Variants in NELL1 observed in about 807,000 individuals in gnomAD.
NELL1 encodes the protein protein kinase C-binding protein NELL1.
In NELL1, 76 loss-of-function variants were observed where a neutral mutation model predicts 107.4. The observed-to-expected ratio is 0.71, with a 90% CI of 0.59 to 0.86. NELL1 has a LOEUF of 0.86. Among genes scored for constraint, NELL1 ranks in the 40% least tolerant of loss-of-function variants. NELL1 has a pLI of 0.00. For missense variants in NELL1, 1,024 were observed against 1,005.5 expected (o/e 1.02, Z -0.25); for synonymous variants, 353 against 341.2 (o/e 1.03, Z -0.38).
At chr11:21,198,327 G>A (rs1036609599) in intron 13 of NELL1, among the ~76,000 whole-genome samples, 4 of 152,118 alleles carry the variant, frequency 2.6e-5, no homozygotes, top group South Asian at 4.2e-4. Context: ...ACATTCTGTC[G>A]GTTACAAACA....
At chr11:21,278,013 C>T (rs965185251) in intron 14 of NELL1, among the ~76,000 whole-genome samples, 8 of 151,250 alleles carry the variant, frequency 5.3e-5, no homozygotes, top group Admixed American at 2.0e-4. Context: ...CTAACCTGCA[C>T]GTTGTGCACA....
chr11:20,782,577 G>C (rs1435260760), intron 2 of NELL1, among the ~76,000 whole-genome samples: 2 of 152,214 alleles, frequency 1.3e-5, no homozygotes, highest in Non-Finnish European at 1.5e-5. Flanking sequence ...TTTAGGATGA[G>C]ATTCTTCAAG....
At chr11:21,154,496 A>T (rs1856188268) in intron 13 of NELL1, among the ~76,000 whole-genome samples, 1 of 152,070 alleles carries the variant, frequency 6.6e-6, no homozygotes, top group African/African-American at 2.4e-5. Flanking sequence ...AAGTTATGAG[A>T]CTCCAGAGAT....
intron 15 of NELL1, among the ~76,000 whole-genome samples, chr11:21,415,079 C>T (rs1852479285): frequency 6.6e-6 from 1 of 152,114 alleles, no homozygotes; most frequent in Non-Finnish European, 1.5e-5. Flanking sequence ...GCTATTCACT[C>T]CTGCAGGGCT....
chr11:20,835,204 G>C (rs1848512451), intron 3 of NELL1, among the ~76,000 whole-genome samples: 1 of 152,198 alleles, frequency 6.6e-6, no homozygotes, highest in Admixed American at 6.5e-5. Context: ...TTCAAGATTG[G>C]ATCTCCTCTC....
intron 3 of NELL1, among the ~76,000 whole-genome samples, chr11:20,811,389 G>C (rs1857499108): frequency 6.6e-6 from 1 of 151,936 alleles, no homozygotes; most frequent in Non-Finnish European, 1.5e-5. Flanking sequence ...GATGCCTCTA[G>C]CTTTCTTTTT....
At chr11:20,678,170 TG>T in intron 2 of NELL1, 110 bp downstream of exon 2, 1 of 1,268,912 alleles carries the variant, frequency 7.9e-7, no homozygotes. Flanking sequence ...CTATTTCTCT[TG>T]TGTTGCTGTC....
chr11:20,737,356 C>T (rs945087385), intron 2 of NELL1, among the ~76,000 whole-genome samples: 1 of 151,888 alleles, frequency 6.6e-6, no homozygotes, highest in Non-Finnish European at 1.5e-5. Flanking sequence ...AAAAAAGGGC[C>T]AAGAGGTAAA....
intron 14 of NELL1, among the ~76,000 whole-genome samples, chr11:21,322,436 A>G (rs931586470): frequency 1.3e-5 from 2 of 152,240 alleles, no homozygotes; most frequent in South Asian, 2.1e-4. Flanking sequence ...AAGATGTGGT[A>G]TCTCCTACAA....
intron 2 of NELL1, among the ~76,000 whole-genome samples, chr11:20,679,109 T>C (rs927688008): frequency 6.6e-6 from 1 of 152,176 alleles, no homozygotes; most frequent in Non-Finnish European, 1.5e-5. Flanking sequence ...AGAGCTGATA[T>C]TCTGCTGATA....
At chr11:20,840,357 C>G (rs1383590752) in intron 3 of NELL1, among the ~76,000 whole-genome samples, 1 of 152,146 alleles carries the variant, frequency 6.6e-6, no homozygotes, top group Admixed American at 6.5e-5. Flanking sequence ...AAAAACTACC[C>G]CAAAACTTTT....
chr11:20,831,609 T>A (rs1287279684), intron 3 of NELL1, among the ~76,000 whole-genome samples: 1 of 152,134 alleles, frequency 6.6e-6, no homozygotes, highest in African/African-American at 2.4e-5. Context: ...ATATATTAGC[T>A]TTCTAGGGTT....
chr11:21,559,706 G>T (rs141996910), intron 16 of NELL1, among the ~76,000 whole-genome samples: 93 of 152,126 alleles, frequency 6.1e-4, no homozygotes, highest in African/African-American at 2.1e-3. Flanking sequence ...TGCCCAAATT[G>T]CCCACTTGTT....
chr11:21,442,137 T>C (rs1853301144), intron 15 of NELL1, among the ~76,000 whole-genome samples: 2 of 152,216 alleles, frequency 1.3e-5, no homozygotes, highest in Admixed American at 6.5e-5. Context: ...ATTTACAGCA[T>C]TTACCTAATC....
At chr11:20,805,628 G>A (rs538793026) in intron 3 of NELL1, among the ~76,000 whole-genome samples, 13 of 152,088 alleles carry the variant, frequency 8.5e-5, no homozygotes, top group Non-Finnish European at 1.6e-4. Context: ...CATGCCTCCC[G>A]AGCAGCTGGG....
intron 13 of NELL1, among the ~76,000 whole-genome samples, chr11:21,165,730 A>C (rs1345803828): frequency 6.7e-6 from 1 of 148,440 alleles, no homozygotes; most frequent in East Asian, 2.0e-4. Flanking sequence ...ACTCTGGAGT[A>C]CTCTTTAGCC....
At chr11:20,979,064 T>C (rs962276975) in intron 12 of NELL1, among the ~76,000 whole-genome samples, 2 of 152,176 alleles carry the variant, frequency 1.3e-5, no homozygotes, top group Non-Finnish European at 2.9e-5. Flanking sequence ...ATTGGAAAGC[T>C]CTTAAGTGCC....
intron 14 of NELL1, among the ~76,000 whole-genome samples, chr11:21,325,820 T>C (rs1850119399): frequency 1.3e-5 from 2 of 152,022 alleles, no homozygotes; most frequent in African/African-American, 4.8e-5. Flanking sequence ...AGGCAACAAC[T>C]GATCTGATTT....
In NELL1 at chr11:21,104,188, C is replaced by A. The variant is rs142044428; in HGVS notation, c.1301-9401C>A. 3.8e-3 allele frequency among the ~76,000 whole-genome samples: 584 copies of A among 152,226 alleles called. 4 individuals are homozygous for A. The highest frequency in any genetic ancestry group is 0.013 in the African/African-American group (539 of 41,526). On this transcript the variant is annotated intron_variant, in intron 12 of 19. Transcript: ENST00000357134. ...CCATCAGTTGAAGCAGAGTTCACAC[C>A]CTGACAGATTGAGGTAGGCTGAGGC... is the stretch of plus-strand genomic sequence containing the variant.
Sources: allele counts gnomAD v4.1 joint callset (sites outside exome capture counted in the v4.1 genomes callset), GRCh38; gene constraint gnomAD v4.1.1; transcripts MANE v1.5; gene names NCBI Gene and HGNC (gene_info 2026-07-23, HGNC 2026-07-21).